The following TMEM132D variants were observed in gnomAD, a reference collection of about 807,000 sequenced individuals.
TMEM132D encodes transmembrane protein 132D, also known as mature OL transmembrane protein.
In TMEM132D, 21 loss-of-function variants were observed where a neutral mutation model predicts 62.3. The ratio of observed to expected loss-of-function variants is 0.34; its 90% CI spans 0.24 to 0.49. TMEM132D has a LOEUF of 0.49. Among genes scored for constraint, TMEM132D ranks in the 20% least tolerant of loss-of-function variants. The pLI, the probability that TMEM132D is intolerant of heterozygous loss-of-function variation, is 0.99. For missense variants in TMEM132D, 1,346 were observed against 1,402.8 expected (o/e 0.96, Z 0.65); for synonymous variants, 621 against 575.6 (o/e 1.08, Z -1.13).
chr12:129,599,248 T>C (rs1055210566), intron 2 of TMEM132D, among the ~76,000 whole-genome samples: 3 of 152,226 alleles, frequency 2.0e-5, no homozygotes, highest in African/African-American at 4.8e-5. Flanking sequence ...CCATTTTGCT[T>C]AACCCAGTTT....
chr12:129,210,989 G>T (rs1879028502), intron 4 of TMEM132D: 1 of 152,132 alleles, frequency 6.6e-6, no homozygotes, highest in Non-Finnish European at 1.5e-5. Context: ...TAACTGGTGG[G>T]GGACAGAGAG....
At chr12:129,283,571 A>AT (rs879518881) in intron 4 of TMEM132D, among the ~76,000 whole-genome samples, 1 of 151,992 alleles carries the variant, frequency 6.6e-6, no homozygotes, top group East Asian at 1.9e-4. Flanking sequence ...TCTCTACTGA[A>AT]TTTTTTTTCC....
At chr12:129,898,346 A>AT (rs887316692) in intron 1 of TMEM132D, among the ~76,000 whole-genome samples, 4 of 152,110 alleles carry the variant, frequency 2.6e-5, no homozygotes, top group East Asian at 1.9e-4. Flanking sequence ...AAAAATACCC[A>AT]TTTTTTTGTC....
chr12:129,196,499 G>A (rs554353502), intron 5 of TMEM132D, among the ~76,000 whole-genome samples: 4 of 152,298 alleles, frequency 2.6e-5, no homozygotes, highest in African/African-American at 9.6e-5. Flanking sequence ...GGTCTAAGAT[G>A]CCCATGATTG....
chr12:129,584,572 G>C (rs1877968429), intron 2 of TMEM132D, among the ~76,000 whole-genome samples: 2 of 152,196 alleles, frequency 1.3e-5, no homozygotes, highest in South Asian at 4.1e-4. Context: ...CCGGAGACAG[G>C]CTGGGGTGGA....
At chr12:129,646,034 G>T (rs1879770269) in intron 2 of TMEM132D, among the ~76,000 whole-genome samples, 1 of 152,162 alleles carries the variant, frequency 6.6e-6, no homozygotes, top group Non-Finnish European at 1.5e-5. Context: ...GCGTATCGGG[G>T]TGCTCTGCCT....
At chr12:129,782,733 G>T (rs545983094) in intron 1 of TMEM132D, among the ~76,000 whole-genome samples, 4 of 151,988 alleles carry the variant, frequency 2.6e-5, no homozygotes, top group African/African-American at 9.7e-5. Flanking sequence ...AGTCACACAG[G>T]TGTATTCCTG....
chr12:129,530,443 AACT>A (rs575823426), intron 3 of TMEM132D, among the ~76,000 whole-genome samples: 4 of 152,178 alleles, frequency 2.6e-5, no homozygotes, highest in Admixed American at 6.5e-5. Flanking sequence ...ATAAAACAAG[AACT>A]ACTGAGTTTC....
chr12:129,727,259 T>C (rs1289707577), intron 1 of TMEM132D, among the ~76,000 whole-genome samples: 1 of 152,206 alleles, frequency 6.6e-6, no homozygotes, highest in Non-Finnish European at 1.5e-5. Flanking sequence ...GTTGGGAAGT[T>C]CAAGAGCATG....
chr12:129,700,374 C>T lies in TMEM132D; in HGVS notation c.404G>A (p.Arg135Gln), dbSNP rs537402455. Residue 135 changes from arginine to glutamine, a missense_variant, in exon 2 of 9, where the codon CGG (arginine) becomes CAG (glutamine). By Grantham distance (43) the Arg-to-Gln change is conservative. Coordinates refer to ENST00000422113, the MANE Select transcript of TMEM132D (RefSeq NM_133448.3). ...GGGCCGGCTCAGGTAGACTTTGTCC[C>T]GCAGGATGTGGGCTTTTAGTTTCCA... is the stretch of plus-strand genomic sequence containing the variant. ...LNWKLKAHIL[R>Q]DKVYLSRPKV... The T allele has an allele frequency of 1.4e-5, 23 of 1,614,006 alleles. No homozygotes were observed. Among genetic ancestry groups the T allele is most frequent in the African/African-American group, 6.7e-5 (5 of 75,058 alleles).
intron 2 of TMEM132D, among the ~76,000 whole-genome samples, chr12:129,613,320 A>C (rs1878825936): frequency 6.6e-6 from 1 of 152,200 alleles, no homozygotes; most frequent in East Asian, 1.9e-4. Context: ...CCTGCATTGT[A>C]ACAAAGGTCT....
intron 2 of TMEM132D, among the ~76,000 whole-genome samples, chr12:129,641,874 C>T (rs1481573660): frequency 1.3e-5 from 2 of 152,156 alleles, no homozygotes; most frequent in Admixed American, 6.5e-5. Context: ...ACCTATTATT[C>T]TATTTTCAGA....
chr12:129,270,911 T>C (rs1880835385), intron 4 of TMEM132D, among the ~76,000 whole-genome samples: 1 of 152,236 alleles, frequency 6.6e-6, no homozygotes, highest in Admixed American at 6.5e-5. Flanking sequence ...AAATGGTTGT[T>C]GTTGAGTATC....
intron 1 of TMEM132D, among the ~76,000 whole-genome samples, chr12:129,806,611 T>G (rs1372204609): frequency 2.0e-5 from 3 of 150,088 alleles, no homozygotes; most frequent in Admixed American, 1.3e-4. Flanking sequence ...AGTTAGTGGG[T>G]GCAGCACACC....
chr12:129,240,892 A>G (rs1879918717), intron 4 of TMEM132D, among the ~76,000 whole-genome samples: 1 of 152,034 alleles, frequency 6.6e-6, no homozygotes, highest in Non-Finnish European at 1.5e-5. Flanking sequence ...CATCTCCTCA[A>G]TCTCCCTGTC....
chr12:129,260,368 C>T (rs1039227959), intron 4 of TMEM132D, among the ~76,000 whole-genome samples: 4 of 152,130 alleles, frequency 2.6e-5, no homozygotes, highest in Admixed American at 2.6e-4. Context: ...AGAAGGGTGG[C>T]TTCAATCAAG....
rs181545838 is a variant in TMEM132D, at chr12:129,095,329, C to A, written c.1444-10627G>T. Reference sequence around the variant, plus strand: ...AGGTCACTAACATAGGCCCCTAACACCACAATATGCCTGCTGGTTTTTTTT... The same window carrying A: ...AGGTCACTAACATAGGCCCCTAACAACACAATATGCCTGCTGGTTTTTTTT... On this transcript the variant is annotated intron_variant, in intron 5 of 8. Coordinates refer to ENST00000422113, the MANE Select transcript of TMEM132D (RefSeq NM_133448.3). Among the ~76,000 whole-genome samples the A allele has an allele frequency of 3.7e-3, 559 of 150,170 alleles. 6 individuals are homozygous for A. The highest frequency in any genetic ancestry group is 0.013 in the African/African-American group (535 of 40,916).
At chr12:129,436,153 G>T (rs769915512) in intron 3 of TMEM132D, among the ~76,000 whole-genome samples, 4 of 152,166 alleles carry the variant, frequency 2.6e-5, no homozygotes, top group Non-Finnish European at 5.9e-5. Flanking sequence ...AAATCTGGCA[G>T]AGGAAAAAGC....
intron 1 of TMEM132D, among the ~76,000 whole-genome samples, chr12:129,889,186 T>A (rs1874842944): frequency 6.6e-6 from 1 of 152,184 alleles, no homozygotes; most frequent in Non-Finnish European, 1.5e-5. Flanking sequence ...CCTTGCCTGA[T>A]GCCATTTTTG....
Sources: gnomAD v4.1 joint callset for allele counts (sites outside exome capture counted in the v4.1 genomes callset) on GRCh38, gnomAD v4.1.1 for gene constraint, MANE v1.5 for transcripts, NCBI Gene and HGNC (gene_info 2026-07-23, HGNC 2026-07-21) for gene names.